The following RXRA variants were observed in gnomAD, a reference collection of about 807,000 sequenced individuals.
RXRA encodes retinoid X receptor alpha, also known as retinoic acid receptor RXR-alpha.
A neutral mutation model predicts 44.5 loss-of-function variants in RXRA; 5 were observed. The ratio of observed to expected loss-of-function variants is 0.11; its 90% CI spans 0.06 to 0.24. The LOEUF (loss-of-function observed/expected upper bound fraction) is 0.24, where lower values mean the gene tolerates loss of function less well. Ranked by LOEUF, RXRA falls within the 10% of genes least tolerant of loss-of-function variation. The pLI, the probability that RXRA is intolerant of heterozygous loss-of-function variation, is 1.00. For missense variants in RXRA, 412 were observed against 646.5 expected (o/e 0.64, Z 3.93); for synonymous variants, 291 against 271.4 (o/e 1.07, Z -0.71).
chr9:134,374,282 G>A (rs1375648396), intron 1 of RXRA, among the ~76,000 whole-genome samples: 1 of 152,258 alleles, frequency 6.6e-6, no homozygotes, highest in Non-Finnish European at 1.5e-5. Flanking sequence ...TGGAGCTTGA[G>A]CCTGGGTGGT....
At chr9:134,334,966 C>T (rs536336524) in intron 1 of RXRA, among the ~76,000 whole-genome samples, 1 of 152,218 alleles carries the variant, frequency 6.6e-6, no homozygotes, top group African/African-American at 2.4e-5. Context: ...CATGGCAGAG[C>T]AGAGGCAGTA....
At chr9:134,347,330 T>G (rs2119037140) in intron 1 of RXRA, among the ~76,000 whole-genome samples, 1 of 152,368 alleles carries the variant, frequency 6.6e-6, no homozygotes, top group East Asian at 1.9e-4. Flanking sequence ...TGACGCGCCC[T>G]GCCGCGGTGT....
chr9:134,364,908 G>A (rs1039649585), intron 1 of RXRA, among the ~76,000 whole-genome samples: 30 of 152,216 alleles, frequency 2.0e-4, no homozygotes, highest in African/African-American at 7.0e-4. Flanking sequence ...CCCCTAGCTC[G>A]TGGCCCTGGC....
chr9:134,372,088 T>C (rs546687912), intron 1 of RXRA: 70 of 152,150 alleles, frequency 4.6e-4, no homozygotes, highest in African/African-American at 1.6e-3. Flanking sequence ...GTGACATTAG[T>C]CTGGGCCCAC....
In RXRA at chr9:134,382,857, C is replaced by T. The variant is rs1023820304; in HGVS notation, c.29-18775C>T. Among the ~76,000 whole-genome samples, 11 of 152,268 alleles carry T rather than the reference C, an allele frequency of 7.2e-5. 1 individual carries two copies. Among genetic ancestry groups the T allele is most frequent in the South Asian group, 6.2e-4 (3 of 4,830 alleles). ...CTGCCCACCTGAGAGCAGCGTTCGG[C>T]GAGTGTGGACTCTGCCCCGGTGCTG... On this transcript the variant is annotated intron_variant, in intron 1 of 9. Coordinates refer to ENST00000481739, the MANE Select transcript of RXRA (RefSeq NM_002957.6).
chr9:134,431,094 G>A (rs1326170225), intron 7 of RXRA, among the ~76,000 whole-genome samples: 1 of 152,232 alleles, frequency 6.6e-6, no homozygotes, highest in Non-Finnish European at 1.5e-5. Flanking sequence ...GGCCCACAGG[G>A]GAGAGCCCAG....
chr9:134,381,911 G>T (rs1830652266), intron 1 of RXRA, among the ~76,000 whole-genome samples: 1 of 152,140 alleles, frequency 6.6e-6, no homozygotes, highest in African/African-American at 2.4e-5. Context: ...TCCCGGTGGG[G>T]GCTGCTCAGG....
At position 134,349,630 on chromosome 9, in the gene RXRA, G is replaced by A. The variant is rs1172394149; in HGVS notation, c.28+22971G>A. ...CCCCCATGAGTGGGTGACATCAGGAGACCCCGCATCAGGCAAGGTTACCTG... is the reference window on the plus strand; with the variant it reads ...CCCCCATGAGTGGGTGACATCAGGAAACCCCGCATCAGGCAAGGTTACCTG... On this transcript the variant is annotated intron_variant, in intron 1 of 9. Coordinates refer to ENST00000481739, the MANE Select transcript of RXRA (RefSeq NM_002957.6). This position sits in a 1 kb window ranked among gnomAD's most constrained non-coding sequence, Gnocchi z 4.3. Among the ~76,000 whole-genome samples, 1 of 152,228 alleles carries A rather than the reference G, an allele frequency of 6.6e-6. No homozygotes were observed. The highest frequency in any genetic ancestry group is 1.5e-5 in the Non-Finnish European group (1 of 68,030).
intron 1 of RXRA, among the ~76,000 whole-genome samples, chr9:134,355,024 G>A (rs1554749907): frequency 6.6e-6 from 1 of 152,258 alleles, no homozygotes; most frequent in African/African-American, 2.4e-5. Context: ...GTCTAGAAGT[G>A]GTCAGGACCA....
At chr9:134,375,819 T>G (rs921121544) in intron 1 of RXRA, among the ~76,000 whole-genome samples, 1 of 152,016 alleles carries the variant, frequency 6.6e-6, no homozygotes, top group Admixed American at 6.5e-5. Flanking sequence ...AGAGTTTGTG[T>G]TAGTGGCTGG....
rs1831631273 is a variant in RXRA at position 134,436,850 on chromosome 9, C to G, written c.*236C>G. The G allele has an allele frequency of 1.9e-6, 1 of 533,064 alleles. No individual in the cohort carries two copies. Among genetic ancestry groups the G allele is most frequent in the Admixed American group, 3.5e-5 (1 of 28,658 alleles). 33.0% of individuals were successfully genotyped at this position (533,064 alleles called of 1,614,324 possible). The stretch of plus-strand genomic sequence containing the variant: ...GAGGCAGCAGCCTTCGTGGCAAGAA[C>G]TAGCGTGAGCCCAGCCAGGCGCCTC... On this transcript the variant is annotated 3_prime_UTR_variant, in exon 10 of 10. Transcript: ENST00000481739.
chr9:134,328,100 G>A (rs1329405150), intron 1 of RXRA, among the ~76,000 whole-genome samples: 1 of 152,188 alleles, frequency 6.6e-6, no homozygotes, highest in Non-Finnish European at 1.5e-5. Flanking sequence ...GTGACCGAGT[G>A]CAGTGTGGAG....
chr9:134,337,903 G>A lies in RXRA; in HGVS notation c.28+11244G>A, dbSNP rs538917478. On this transcript the variant is annotated intron_variant, in intron 1 of 9. Coordinates refer to ENST00000481739, the MANE Select transcript of RXRA (RefSeq NM_002957.6). The stretch of plus-strand genomic sequence containing the variant: ...AAACGAGACAGGCGGGTTTCGTTCA[G>A]TTCAGGTGGCCGCGTGCCAGCCCTG... Among the ~76,000 whole-genome samples the A allele has an allele frequency of 1.2e-3, 189 of 152,266 alleles. 1 individual carries two copies. The highest frequency in any genetic ancestry group is 4.3e-3 in the African/African-American group (178 of 41,538).
chr9:134,424,001 C>T, intron 6 of RXRA: 1 of 985,452 alleles, frequency 1.0e-6, no homozygotes, highest in Non-Finnish European at 1.2e-6. Context: ...ATGGCTGTGT[C>T]CGTCGCCATG....
chr9:134,399,792 C>A (rs1022013964), intron 1 of RXRA, among the ~76,000 whole-genome samples: 2 of 152,226 alleles, frequency 1.3e-5, no homozygotes, highest in African/African-American at 4.8e-5. Flanking sequence ...ACCCCGACTG[C>A]GATGGGGCAC....
At chr9:134,425,900 G>A (rs1478524986) in intron 6 of RXRA, 1 of 985,420 alleles carries the variant, frequency 1.0e-6, no homozygotes, top group East Asian at 1.1e-4. Flanking sequence ...CCCTTGTGCT[G>A]CGGAAGTGGT....
intron 1 of RXRA, among the ~76,000 whole-genome samples, chr9:134,333,010 C>T (rs782196836): frequency 5.3e-5 from 8 of 152,130 alleles, no homozygotes; most frequent in Non-Finnish European, 1.0e-4. Context: ...TTCCCTGGCC[C>T]TGGCTCCGGC....
At chr9:134,368,652 G>A (rs994268466) in intron 1 of RXRA, among the ~76,000 whole-genome samples, 3 of 150,478 alleles carry the variant, frequency 2.0e-5, no homozygotes, top group African/African-American at 2.4e-5. Context: ...TGTGTGTGAG[G>A]GTGTGTGTGT....
intron 1 of RXRA, among the ~76,000 whole-genome samples, chr9:134,389,433 TG>T (rs768584082): frequency 1.3e-5 from 2 of 150,938 alleles, no homozygotes; most frequent in Non-Finnish European, 3.0e-5. Flanking sequence ...TGTCCCGGGC[TG>T]GGGGCTTTGG....
Sources: gnomAD v4.1 joint callset for allele counts (sites outside exome capture counted in the v4.1 genomes callset) on GRCh38, gnomAD v4.1.1 for gene constraint, Gnocchi (gnomAD v3.1) non-coding constraint, MANE v1.5 for transcripts, NCBI Gene and HGNC (gene_info 2026-07-23, HGNC 2026-07-21) for gene names.